Variants in NEK11 observed in about 807,000 individuals in gnomAD.
NEK11 encodes NIMA related kinase 11, also known as serine/threonine-protein kinase Nek11.
A neutral mutation model predicts 80.7 loss-of-function variants in NEK11; 72 were observed. That is an observed-to-expected ratio of 0.89 (90% confidence interval 0.74 to 1.08). The LOEUF is 1.08. Ranked by LOEUF, NEK11 falls within the 50% of genes least tolerant of loss-of-function variation. The pLI is 0.00. For missense variants in NEK11, 764 were observed against 763.6 expected (o/e 1.00, Z -0.01); for synonymous variants, 251 against 260.7 (o/e 0.96, Z 0.36).
chr3:131,213,191 CCA>C (rs3050805), intron 14 of NEK11, among the ~76,000 whole-genome samples: 27 of 148,982 alleles, frequency 1.8e-4, no homozygotes, highest in Non-Finnish European at 3.0e-4. Flanking sequence ...CCACCCATCT[CCA>C]CACACACACA....
intron 10 of NEK11, among the ~76,000 whole-genome samples, chr3:131,160,003 A>T (rs942848706): frequency 5.3e-5 from 8 of 152,208 alleles, no homozygotes; most frequent in Admixed American, 1.3e-4. Context: ...GCATAGAAAC[A>T]TAGAAATTTC....
chr3:131,291,187 A>G (rs1281626133), intron 17 of NEK11, among the ~76,000 whole-genome samples: 2 of 152,208 alleles, frequency 1.3e-5, no homozygotes, highest in African/African-American at 4.8e-5. Context: ...ATGATATAGT[A>G]TGTGCCCCTT....
At chr3:131,231,316 C>T (rs1467728502) in intron 15 of NEK11, among the ~76,000 whole-genome samples, 2 of 150,716 alleles carry the variant, frequency 1.3e-5, no homozygotes, top group East Asian at 4.1e-4. Context: ...GAGGTGTAGC[C>T]TTCCTGCGGT....
At chr3:131,209,009 G>A (rs1414485965) in intron 14 of NEK11, among the ~76,000 whole-genome samples, 2 of 152,174 alleles carry the variant, frequency 1.3e-5, no homozygotes, top group African/African-American at 4.8e-5. Flanking sequence ...ATGTTGAATA[G>A]GAGTGGTGAG....
chr3:131,214,444 TCTC>T (rs2094746026), intron 14 of NEK11, among the ~76,000 whole-genome samples: 1 of 152,186 alleles, frequency 6.6e-6, no homozygotes, highest in Non-Finnish European at 1.5e-5. Flanking sequence ...TTTCTACATT[TCTC>T]CTTGACAGAA....
At chr3:131,126,084 A>G (rs2083280757) in intron 5 of NEK11, among the ~76,000 whole-genome samples, 1 of 152,202 alleles carries the variant, frequency 6.6e-6, no homozygotes, top group Non-Finnish European at 1.5e-5. Flanking sequence ...AAGCAGGAGG[A>G]CAGATACACT....
chr3:131,160,562 A>G (rs72989858), intron 10 of NEK11, among the ~76,000 whole-genome samples: 3,820 of 152,290 alleles, frequency 0.025, 169 homozygotes, highest in African/African-American at 0.087. Context: ...TGATGACAGG[A>G]TTAAATCCAC....
chr3:131,309,309 T>A (rs1034650751), intron 17 of NEK11, among the ~76,000 whole-genome samples: 3 of 152,200 alleles, frequency 2.0e-5, no homozygotes, highest in African/African-American at 7.2e-5. Context: ...CTTTCCTAAT[T>A]GAATCTTTGG....
chr3:131,028,953 T>A (rs1399715033), intron 2 of NEK11, among the ~76,000 whole-genome samples: 1 of 152,244 alleles, frequency 6.6e-6, no homozygotes, highest in Non-Finnish European at 1.5e-5. Context: ...AAATGGGATT[T>A]TAGGTTTGAA....
Position 131,029,782 on chromosome 3 carries a change from T to C in NEK11, c.74T>C (p.Ile25Thr), listed in dbSNP as rs769203522. The C allele has an allele frequency of 8.7e-6, 14 of 1,614,192 alleles. No homozygotes were observed. The highest frequency in any genetic ancestry group is 1.7e-4 in the Middle Eastern group (1 of 6,058). Reference sequence around the variant, plus strand: ...ATTTCCACTTATCCAAAGACCTTGATTGCAAGAAGATACGTGCTTCAACAA... The same window carrying C: ...ATTTCCACTTATCCAAAGACCTTGACTGCAAGAAGATACGTGCTTCAACAA... The part of the protein sequence containing the change: ...TAISTYPKTL[I>T]ARRYVLQQKL... Residue 25 changes from isoleucine to threonine, a missense_variant, in exon 3 of 18, where the codon ATT (isoleucine) becomes ACT (threonine). Ile to Thr is a moderately conservative substitution (Grantham distance 89, BLOSUM62 -1). Transcript: ENST00000383366.
chr3:131,083,428 G>A (rs2075565824), intron 4 of NEK11, among the ~76,000 whole-genome samples: 1 of 152,218 alleles, frequency 6.6e-6, no homozygotes, highest in Non-Finnish European at 1.5e-5. Context: ...GAGCTGGCAG[G>A]TTGCCACTTC....
intron 15 of NEK11, among the ~76,000 whole-genome samples, chr3:131,235,874 G>T (rs910917362): frequency 6.6e-6 from 1 of 152,166 alleles, no homozygotes; most frequent in Non-Finnish European, 1.5e-5. Flanking sequence ...AGTAAGTATA[G>T]AACTTAATGT....
chr3:131,177,747 T>C (rs546782303), intron 14 of NEK11, among the ~76,000 whole-genome samples: 1 of 152,242 alleles, frequency 6.6e-6, no homozygotes, highest in East Asian at 1.9e-4. Flanking sequence ...GGAAAGCACT[T>C]TAAAAAGAAT....
intron 10 of NEK11, among the ~76,000 whole-genome samples, chr3:131,160,518 A>G (rs967395354): frequency 2.0e-4 from 31 of 152,202 alleles, no homozygotes; most frequent in African/African-American, 7.5e-4. Context: ...GAGCAACCAT[A>G]CAAACAAGTC....
chr3:131,198,178 G>T (rs1237973538), intron 14 of NEK11, among the ~76,000 whole-genome samples: 1 of 152,030 alleles, frequency 6.6e-6, no homozygotes, highest in Non-Finnish European at 1.5e-5. Flanking sequence ...TGGAGTGAGG[G>T]GTTTACTTTC....
chr3:131,240,054 C>G (rs1291207677), intron 15 of NEK11, among the ~76,000 whole-genome samples: 2 of 152,092 alleles, frequency 1.3e-5, no homozygotes, highest in African/African-American at 4.8e-5. Flanking sequence ...TTTTTCTTAA[C>G]CAAATCATTT....
chr3:131,116,411 T>C (rs1157246071), intron 5 of NEK11, among the ~76,000 whole-genome samples: 1 of 152,238 alleles, frequency 6.6e-6, no homozygotes, highest in Non-Finnish European at 1.5e-5. Flanking sequence ...GTCTTTGTTA[T>C]TGTGAATAGT....
chr3:131,252,775 C>T (rs2095733248), intron 16 of NEK11, among the ~76,000 whole-genome samples: 2 of 152,130 alleles, frequency 1.3e-5, no homozygotes, highest in Non-Finnish European at 2.9e-5. Context: ...GATGCTGATG[C>T]TCTGGGTCCA....
chr3:131,029,048 G>A (rs1213960866), intron 2 of NEK11, among the ~76,000 whole-genome samples: 2 of 152,180 alleles, frequency 1.3e-5, no homozygotes, highest in Non-Finnish European at 2.9e-5. Flanking sequence ...AGAATTTGCT[G>A]AGCATGGGAA....
Sources: allele counts gnomAD v4.1 joint callset (sites outside exome capture counted in the v4.1 genomes callset), GRCh38; gene constraint gnomAD v4.1.1; transcripts MANE v1.5; gene names NCBI Gene and HGNC (gene_info 2026-07-23, HGNC 2026-07-21).